The following RBFOX1 variants were observed in gnomAD, a reference collection of about 807,000 sequenced individuals.
The protein encoded by RBFOX1 is RNA binding protein fox-1 homolog 1.
Under a neutral mutation model 57.7 loss-of-function variants are expected in RBFOX1, and 8 were observed. The observed-to-expected ratio is 0.14, with a 90% CI of 0.08 to 0.25. RBFOX1 has a LOEUF of 0.25. Ranked by LOEUF, RBFOX1 falls within the 10% of genes least tolerant of loss-of-function variation. The pLI is 1.00. For missense variants in RBFOX1, 611 were observed against 548.5 expected, an observed-to-expected ratio of 1.11 and a Z score of -1.14; for synonymous variants, 326 against 222.4, an observed-to-expected ratio of 1.47 and a Z score of -4.15.
chr16:6,594,188 T>C (rs1203815377), intron 2 of RBFOX1, among the ~76,000 whole-genome samples: 3 of 152,186 alleles, frequency 2.0e-5, no homozygotes, highest in Non-Finnish European at 4.4e-5. Flanking sequence ...AGTAAGAGTG[T>C]GAAGTGCCCA....
intron 1 of RBFOX1, among the ~76,000 whole-genome samples, chr16:6,093,792 T>A (rs925549678): frequency 1.3e-5 from 2 of 151,950 alleles, no homozygotes; most frequent in African/African-American, 4.8e-5. Flanking sequence ...CCACTCATTT[T>A]TTTTTTTGTA....
At chr16:7,537,513 T>C (rs946947123) in intron 5 of RBFOX1, among the ~76,000 whole-genome samples, 6 of 152,138 alleles carry the variant, frequency 3.9e-5, no homozygotes, top group African/African-American at 1.4e-4. Context: ...CCTACACTTA[T>C]AACCACAACT....
intron 5 of RBFOX1, among the ~76,000 whole-genome samples, chr16:7,519,092 GT>G (rs1567638038): frequency 6.6e-6 from 1 of 152,162 alleles, no homozygotes; most frequent in Non-Finnish European, 1.5e-5. Flanking sequence ...ATTTTTAGGT[GT>G]ACAGTTCACT....
intron 4 of RBFOX1, among the ~76,000 whole-genome samples, chr16:7,467,063 A>G (rs1045745862): frequency 6.6e-6 from 1 of 152,224 alleles, no homozygotes; most frequent in Non-Finnish European, 1.5e-5. Context: ...TTTAGCAAAC[A>G]CTGCATATAA....
At chr16:5,607,189 G>A (rs72633289) in intron 3 of RBFOX1, among the ~76,000 whole-genome samples, 14,809 of 152,212 alleles carry the variant, frequency 0.097, 1,067 homozygotes, top group East Asian at 0.31. Context: ...GCCTTCTACA[G>A]CGTCTGCTCG....
chr16:6,425,421 A>G lies in RBFOX1; in HGVS notation c.-64+108364A>G, dbSNP rs113879742. ...ATATTAAAAATGGCAGTAGTGTTCA[A>G]TTTGCCTTCTGCACACCCCCTACCC... On this transcript the variant is annotated intron_variant, in intron 2 of 15. Transcript: ENST00000550418. Among the ~76,000 whole-genome samples, 368 of 152,236 alleles carry G rather than the reference A, an allele frequency of 2.4e-3. 7 individuals carry two copies. The highest frequency in any genetic ancestry group is 0.022 in the Admixed American group (338 of 15,284).
intron 3 of RBFOX1, among the ~76,000 whole-genome samples, chr16:6,940,165 C>T (rs937751447): frequency 2.0e-5 from 3 of 151,928 alleles, no homozygotes; most frequent in Non-Finnish European, 4.4e-5. Context: ...CCACTCCAGT[C>T]TGGGCAACAG....
At chr16:7,510,689 C>T (rs1237765192) in intron 4 of RBFOX1, among the ~76,000 whole-genome samples, 1 of 152,160 alleles carries the variant, frequency 6.6e-6, no homozygotes, top group Non-Finnish European at 1.5e-5. Flanking sequence ...TGAATATGCG[C>T]GATTTCTTGC....
chr16:5,729,749 A>G (rs920109051), intron 3 of RBFOX1, among the ~76,000 whole-genome samples: 1 of 152,168 alleles, frequency 6.6e-6, no homozygotes, highest in African/African-American at 2.4e-5. Flanking sequence ...GGGTTCAGTC[A>G]TAGAGAACAG....
chr16:5,642,284 C>T (rs756015147), intron 3 of RBFOX1, among the ~76,000 whole-genome samples: 5 of 152,148 alleles, frequency 3.3e-5, no homozygotes, highest in Non-Finnish European at 7.3e-5. Context: ...TGTTTATAGT[C>T]GATGAATATC....
chr16:5,374,384 G>T lies in RBFOX1; in HGVS notation c.220-92832G>T, dbSNP rs577322080. On this transcript the variant is annotated intron_variant, in intron 1 of 2. Transcript: ENST00000585867. ...GATCAGGGAAGGCTTCCTGGAGGAG[G>T]TGGCCTTTGAGTTAGTCCTTAAATT... Among the ~76,000 whole-genome samples the T allele has an allele frequency of 6.6e-5, 10 of 152,334 alleles. No individual in the cohort carries two copies. In the East Asian group the frequency reaches 1.9e-3, roughly 29 times the overall value.
intron 2 of RBFOX1, among the ~76,000 whole-genome samples, chr16:6,414,408 G>A (rs527393231): frequency 6.6e-6 from 1 of 152,180 alleles, no homozygotes; most frequent in Non-Finnish European, 1.5e-5. Context: ...TGTCTACTCT[G>A]CCCCAGGTGT....
At chr16:6,790,558 A>T (rs915902184) in intron 3 of RBFOX1, among the ~76,000 whole-genome samples, 1 of 152,222 alleles carries the variant, frequency 6.6e-6, no homozygotes, top group Non-Finnish European at 1.5e-5. Flanking sequence ...TTTAGCCTCT[A>T]TTCCCCCAAA....
chr16:6,513,351 G>C (rs1050471366), intron 2 of RBFOX1, among the ~76,000 whole-genome samples: 1 of 151,678 alleles, frequency 6.6e-6, no homozygotes, highest in Non-Finnish European at 1.5e-5. Context: ...CTTTGTGCTT[G>C]GATAGCATTC....
intron 12 of RBFOX1, among the ~76,000 whole-genome samples, chr16:7,656,588 C>T (rs1368859652): frequency 6.6e-6 from 1 of 152,172 alleles, no homozygotes; most frequent in African/African-American, 2.4e-5. Flanking sequence ...AGCAGATTTC[C>T]TGTAGCCTTT....
chr16:6,740,766 C>T (rs1396269300), intron 3 of RBFOX1, among the ~76,000 whole-genome samples: 1 of 152,150 alleles, frequency 6.6e-6, no homozygotes, highest in African/African-American at 2.4e-5. Flanking sequence ...GATTGAAAGA[C>T]TCCACTTTGT....
chr16:6,323,964 G>T (rs149523617), intron 2 of RBFOX1, among the ~76,000 whole-genome samples: 1 of 152,046 alleles, frequency 6.6e-6, no homozygotes, highest in African/African-American at 2.4e-5. Flanking sequence ...GTAGAGAAAG[G>T]GTTTTGCCAT....
chr16:6,535,940 C>T (rs2096729021), intron 2 of RBFOX1, among the ~76,000 whole-genome samples: 1 of 152,174 alleles, frequency 6.6e-6, no homozygotes, highest in Non-Finnish European at 1.5e-5. Context: ...TGACTTTAAA[C>T]TTTGACCCAC....
At chr16:6,033,002 A>G (rs1308242948) in intron 1 of RBFOX1, among the ~76,000 whole-genome samples, 1 of 152,026 alleles carries the variant, frequency 6.6e-6, no homozygotes, top group Non-Finnish European at 1.5e-5. Context: ...CCTTATTTCA[A>G]AGCTGGAGTT....
Sources: allele counts gnomAD v4.1 joint callset (sites outside exome capture counted in the v4.1 genomes callset), GRCh38; gene constraint gnomAD v4.1.1; transcripts MANE v1.5; gene names NCBI Gene and HGNC (gene_info 2026-07-23, HGNC 2026-07-21).